The following EXT1 variants were observed in gnomAD, a reference collection of about 807,000 sequenced individuals.
EXT1 encodes the protein exostosin-1.
A neutral mutation model predicts 82.5 loss-of-function variants in EXT1; 20 were observed. That is an observed-to-expected ratio of 0.24 (90% CI 0.17 to 0.35). EXT1 has a LOEUF of 0.35. Ranked by LOEUF, EXT1 falls within the 10% of genes least tolerant of loss-of-function variation. The pLI, the probability that EXT1 is intolerant of heterozygous loss-of-function variation, is 1.00. For synonymous variants in EXT1, 348 were observed against 350.8 expected (o/e 0.99, Z 0.09); for missense variants, 757 against 936.5 (o/e 0.81, Z 2.50).
chr8:117,995,410 C>T (rs975978538), intron 1 of EXT1, among the ~76,000 whole-genome samples: 1 of 152,140 alleles, frequency 6.6e-6, no homozygotes, highest in Non-Finnish European at 1.5e-5. Flanking sequence ...TCAATGATAT[C>T]CCCTTGGGCT....
chr8:117,950,104 G>A (rs985129034), intron 1 of EXT1, among the ~76,000 whole-genome samples: 1 of 152,186 alleles, frequency 6.6e-6, no homozygotes, highest in African/African-American at 2.4e-5. Context: ...AGCTGGGCAT[G>A]GTGGCGTGAG....
chr8:118,085,072 C>G (rs1008033479), intron 1 of EXT1, among the ~76,000 whole-genome samples: 5 of 152,204 alleles, frequency 3.3e-5, no homozygotes, highest in African/African-American at 1.2e-4. Context: ...AAGCATCATA[C>G]ACCATCAGGT....
chr8:118,069,964 C>T (rs928139960), intron 1 of EXT1, among the ~76,000 whole-genome samples: 23 of 152,196 alleles, frequency 1.5e-4, no homozygotes, highest in South Asian at 2.1e-4. Flanking sequence ...CTCACATACA[C>T]ATTTTACTTC....
chr8:117,811,913 C>T (rs1046976787), intron 8 of EXT1, among the ~76,000 whole-genome samples: 3 of 152,168 alleles, frequency 2.0e-5, no homozygotes, highest in Non-Finnish European at 4.4e-5. Context: ...CGCGTCAGGC[C>T]ACATCTGTGG....
At chr8:118,048,380 A>G (rs1284331291) in intron 1 of EXT1, among the ~76,000 whole-genome samples, 1 of 152,216 alleles carries the variant, frequency 6.6e-6, no homozygotes, top group Non-Finnish European at 1.5e-5. Flanking sequence ...GATCAATACC[A>G]AAACCCAAAG....
intron 1 of EXT1, among the ~76,000 whole-genome samples, chr8:118,025,797 G>A (rs544285887): frequency 2.2e-4 from 33 of 151,484 alleles, no homozygotes; most frequent in African/African-American, 8.0e-4. Flanking sequence ...TCAAAGTTTT[G>A]ACAATTATGA....
intron 1 of EXT1, among the ~76,000 whole-genome samples, chr8:118,058,104 A>G (rs1383913401): frequency 6.6e-6 from 1 of 152,022 alleles, no homozygotes; most frequent in Non-Finnish European, 1.5e-5. Flanking sequence ...ATCTCCCAAC[A>G]CTTCCACATC....
At chr8:117,925,705 CAAAAAAAAA>C (rs3049788) in intron 1 of EXT1, among the ~76,000 whole-genome samples, 1 of 98,632 alleles carries the variant, frequency 1.0e-5, no homozygotes, top group East Asian at 3.1e-4. Flanking sequence ...CCTGTCTCTA[CAAAAAAAAA>C]AAAAAAAAAG....
At chr8:117,939,440 G>A (rs545870780) in intron 1 of EXT1, among the ~76,000 whole-genome samples, 2 of 151,898 alleles carry the variant, frequency 1.3e-5, no homozygotes, top group East Asian at 1.9e-4. Flanking sequence ...ATGGTGGTGC[G>A]CGCCTGTAAT....
At chr8:117,958,284 G>C (rs991562055) in intron 1 of EXT1, among the ~76,000 whole-genome samples, 1 of 152,182 alleles carries the variant, frequency 6.6e-6, no homozygotes, top group Non-Finnish European at 1.5e-5. Context: ...GTTCACAGGA[G>C]AAATAGAAAC....
intron 1 of EXT1, among the ~76,000 whole-genome samples, chr8:118,025,258 T>G (rs113366184): frequency 1.2e-3 from 181 of 152,318 alleles, no homozygotes; most frequent in African/African-American, 4.3e-3. Context: ...GATCCACTCC[T>G]GGCTCACCGC....
At chr8:117,905,412 T>G (rs1209897877) in intron 1 of EXT1, among the ~76,000 whole-genome samples, 1 of 152,084 alleles carries the variant, frequency 6.6e-6, no homozygotes, top group African/African-American at 2.4e-5. Context: ...GCCTGGCACA[T>G]GGGGGGCAGC....
At chr8:118,042,073 C>T (rs370535229) in intron 1 of EXT1, among the ~76,000 whole-genome samples, 2 of 152,162 alleles carry the variant, frequency 1.3e-5, no homozygotes, top group African/African-American at 2.4e-5. Flanking sequence ...CCCTCGTACC[C>T]CCATCTCCGC....
chr8:117,975,959 G>A (rs1354311881), intron 1 of EXT1, among the ~76,000 whole-genome samples: 2 of 152,304 alleles, frequency 1.3e-5, no homozygotes, highest in East Asian at 3.9e-4. Context: ...AATGCTGGTA[G>A]AGAAAGAAGG....
intron 1 of EXT1, among the ~76,000 whole-genome samples, chr8:118,008,167 G>C (rs748792728): frequency 1.3e-5 from 2 of 152,164 alleles, no homozygotes; most frequent in Non-Finnish European, 2.9e-5. Context: ...AGAACATGCA[G>C]TGTTTGGTTT....
intron 1 of EXT1, among the ~76,000 whole-genome samples, chr8:117,951,838 T>A (rs1292134017): frequency 6.6e-6 from 1 of 151,920 alleles, no homozygotes; most frequent in African/African-American, 2.4e-5. Flanking sequence ...GAAAAAAAAA[T>A]CAACAGAAGA....
intron 1 of EXT1, among the ~76,000 whole-genome samples, chr8:117,927,944 T>C (rs78995737): frequency 0.021 from 3,211 of 152,358 alleles, 44 homozygotes; most frequent in Middle Eastern, 0.048. Context: ...GAACACCTTC[T>C]TTTCATATTA....
chr8:117,804,019 G>A (rs922488682), intron 10 of EXT1, among the ~76,000 whole-genome samples: 1 of 152,212 alleles, frequency 6.6e-6, no homozygotes, highest in African/African-American at 2.4e-5. Context: ...GTTAAAGAGA[G>A]TATGGTTTGC....
intron 1 of EXT1, among the ~76,000 whole-genome samples, chr8:117,954,169 G>T (rs1037495085): frequency 6.6e-6 from 1 of 152,132 alleles, no homozygotes; most frequent in Non-Finnish European, 1.5e-5. Context: ...TGCTTGACCC[G>T]CGACTAATGG....
Sources: allele counts gnomAD v4.1 joint callset (sites outside exome capture counted in the v4.1 genomes callset), GRCh38; gene constraint gnomAD v4.1.1; transcripts MANE v1.5; gene names NCBI Gene and HGNC (gene_info 2026-07-23, HGNC 2026-07-21).